BLM: variants seen among roughly 807,000 people sequenced by gnomAD.
The protein encoded by BLM is recQ-like DNA helicase BLM.
BLM carries 95 observed loss-of-function variants against 135.3 expected under a neutral mutation model. The ratio of observed to expected loss-of-function variants is 0.70; its 90% CI spans 0.59 to 0.83. The LOEUF (loss-of-function observed/expected upper bound fraction) is 0.83. Among genes scored for constraint, BLM ranks in the 40% least tolerant of loss-of-function variants. The probability of loss-of-function intolerance (pLI) is 0.00; values close to 1 mark genes in which losing one functional copy is unlikely to be tolerated. For missense variants in BLM, 1,518 were observed against 1,663.9 expected, an observed-to-expected ratio of 0.91 and a Z score of 1.53; for synonymous variants, 520 against 589.2, an observed-to-expected ratio of 0.88 and a Z score of 1.70.
chr15:90,718,564 A>T (rs887951618), intron 1 of BLM, among the ~76,000 whole-genome samples: 1 of 152,202 alleles, frequency 6.6e-6, no homozygotes, highest in African/African-American at 2.4e-5. Context: ...CTGTTTGGGG[A>T]ATAGTAAATA....
chr15:90,773,511 C>CTTTTTTTTT (rs55678339), intron 12 of BLM, among the ~76,000 whole-genome samples: 60 of 100,846 alleles, frequency 5.9e-4, no homozygotes, highest in African/African-American at 1.8e-3. Flanking sequence ...CTTCAATGGC[C>CTTTTTTTTT]TTTTTTTTTT....
At chr15:90,810,020 G>A (rs952148642) in intron 20 of BLM, among the ~76,000 whole-genome samples, 16 of 151,642 alleles carry the variant, frequency 1.1e-4, no homozygotes, top group Non-Finnish European at 2.2e-4. Context: ...TCCCAAGGAT[G>A]ATGGAAATGA....
chr15:90,732,590 TA>T (rs77350149), intron 1 of BLM, among the ~76,000 whole-genome samples: 1,529 of 136,714 alleles, frequency 0.011, 20 homozygotes, highest in African/African-American at 0.035. Context: ...ATCAGATTCT[TA>T]AAAAAAAAAA....
At chr15:90,764,785 A>AT (rs1896078343) in intron 8 of BLM, among the ~76,000 whole-genome samples, 1 of 152,174 alleles carries the variant, frequency 6.6e-6, no homozygotes, top group Non-Finnish European at 1.5e-5. Context: ...ATATATGTCT[A>AT]TATAAGATGT....
intron 1 of BLM, among the ~76,000 whole-genome samples, chr15:90,745,783 A>G (rs747823736): frequency 6.6e-5 from 10 of 152,142 alleles, no homozygotes; most frequent in African/African-American, 1.2e-4. Flanking sequence ...ACTTACGATA[A>G]AAGTCTTACA....
chr15:90,789,305 C>CT (rs984094469), intron 14 of BLM, among the ~76,000 whole-genome samples: 11 of 152,280 alleles, frequency 7.2e-5, no homozygotes, highest in Admixed American at 2.6e-4. Flanking sequence ...AACAAAGCCA[C>CT]TTTTCCCAAT....
At chr15:90,795,407 T>A (rs542343804) in intron 16 of BLM, among the ~76,000 whole-genome samples, 232 of 152,058 alleles carry the variant, frequency 1.5e-3, no homozygotes, top group African/African-American at 5.2e-3. Flanking sequence ...TTGAACCTGG[T>A]AGGTGGAGGC....
chr15:90,767,092 A>G, intron 10 of BLM, 69 bp downstream of exon 10: 5 of 1,096,150 alleles, frequency 4.6e-6, no homozygotes, highest in Non-Finnish European at 6.5e-6. Flanking sequence ...TTAAGATTTT[A>G]ACAAAATTTT....
chr15:90,801,798 G>C (rs1431350204), intron 17 of BLM, among the ~76,000 whole-genome samples: 3 of 152,216 alleles, frequency 2.0e-5, no homozygotes, highest in African/African-American at 7.2e-5. Context: ...GCCCATGTCT[G>C]TAATTCCAGC....
At position 90,729,180 on chromosome 15, in the gene BLM, C is replaced by T. The variant is rs530057028; in HGVS notation, c.-5+11740C>T. 1.1e-4 allele frequency among the ~76,000 whole-genome samples: 16 copies of T among 152,092 alleles called. 1 individual carries two copies. The highest frequency in any genetic ancestry group is 9.7e-4 in the East Asian group (5 of 5,170). ...CAAAAATTAGCCAGGCATGGTGGTACGCGCTTGTAATCCCAGCTACTCAGG... is the reference window on the plus strand; with the variant it reads ...CAAAAATTAGCCAGGCATGGTGGTATGCGCTTGTAATCCCAGCTACTCAGG... On this transcript the variant is annotated intron_variant, in intron 1 of 21. Coordinates refer to ENST00000355112, the MANE Select transcript of BLM (RefSeq NM_000057.4).
At chr15:90,803,163 TA>T (rs71463769) in intron 17 of BLM, among the ~76,000 whole-genome samples, 367 of 133,858 alleles carry the variant, frequency 2.7e-3, no homozygotes, top group Middle Eastern at 0.011. Flanking sequence ...ACCCTGTCTC[TA>T]AAAAAAAAAA....
At chr15:90,739,685 A>C (rs1457644635) in intron 1 of BLM, among the ~76,000 whole-genome samples, 1 of 152,224 alleles carries the variant, frequency 6.6e-6, no homozygotes. Flanking sequence ...TGCTGATGAC[A>C]AACTATTGTT....
At chr15:90,784,327 CTTTTTTTTTTTTT>C (rs769540432) in intron 13 of BLM, among the ~76,000 whole-genome samples, 16 of 70,002 alleles carry the variant, frequency 2.3e-4, no homozygotes, top group African/African-American at 4.8e-4. Context: ...AATGGCTTTT[CTTTTTTTTTTTTT>C]TTTTTTTTTT....
intron 1 of BLM, among the ~76,000 whole-genome samples, chr15:90,735,989 C>A (rs1160832735): frequency 6.6e-6 from 1 of 152,112 alleles, no homozygotes; most frequent in East Asian, 1.9e-4. Context: ...TAAAAAGATT[C>A]AAAAACCATC....
chr15:90,722,414 C>T (rs1301533863), intron 1 of BLM, among the ~76,000 whole-genome samples: 12 of 152,076 alleles, frequency 7.9e-5, no homozygotes. Flanking sequence ...CAGCAAAAAG[C>T]CCATCTCTAC....
chr15:90,783,076 C>G, intron 13 of BLM, 148 bp downstream of exon 13: 1 of 653,490 alleles, frequency 1.5e-6, no homozygotes, highest in Admixed American at 2.9e-5. Context: ...TTGCAACTCT[C>G]TCAATTCTGG....
chr15:90,737,633 C>T (rs921214047), intron 1 of BLM, among the ~76,000 whole-genome samples: 3 of 151,964 alleles, frequency 2.0e-5, no homozygotes, highest in Admixed American at 6.6e-5. Flanking sequence ...ACAATGAAAA[C>T]GAAAACACAA....
chr15:90,737,143 A>C (rs1895238867), intron 1 of BLM, among the ~76,000 whole-genome samples: 1 of 152,006 alleles, frequency 6.6e-6, no homozygotes, highest in African/African-American at 2.4e-5. Flanking sequence ...AATCTGAAGA[A>C]AGAAATGCAA....
chr15:90,815,429 C>G lies in BLM; in HGVS notation c.*150C>G. 1.2e-6 allele frequency: 1 copy of G among 863,976 alleles called. No homozygotes were observed. The highest frequency in any genetic ancestry group is 1.8e-6 in the Non-Finnish European group (1 of 568,294). The allele number at this position is 863,976 out of a possible 1,614,324, so 53.5% of individuals were successfully genotyped here. ...TAAATGCTGGGGGGTGATAGTTCTT[C>G]TTTTTAAAATAAACATTTTCTTTTG... On this transcript the variant is annotated 3_prime_UTR_variant, in exon 22 of 22. Transcript: ENST00000355112. The surrounding 1 kb of genome is among the most constrained non-coding windows in gnomAD (Gnocchi z 4.6).
Sources: allele counts gnomAD v4.1 joint callset (sites outside exome capture counted in the v4.1 genomes callset), GRCh38; gene constraint gnomAD v4.1.1; non-coding constraint Gnocchi (gnomAD v3.1); transcripts MANE v1.5; gene names NCBI Gene and HGNC (gene_info 2026-07-23, HGNC 2026-07-21).